NTAQ1: variants seen among roughly 807,000 people sequenced by gnomAD.
The protein encoded by NTAQ1 is protein N-terminal glutamine amidohydrolase.
A neutral mutation model predicts 28.2 loss-of-function variants in NTAQ1; 21 were observed. The observed-to-expected ratio is 0.74, with a 90% CI of 0.53 to 1.07. The LOEUF (loss-of-function observed/expected upper bound fraction) is 1.07. Ranked by LOEUF, NTAQ1 falls within the 50% of genes least tolerant of loss-of-function variation. The pLI, the probability that NTAQ1 is intolerant of heterozygous loss-of-function variation, is 0.00. For missense variants in NTAQ1, 264 were observed against 256.6 expected (o/e 1.03, Z -0.20); for synonymous variants, 105 against 90.0 (o/e 1.17, Z -0.94).
chr8:123,439,707 C>G (rs140779742), intron 5 of NTAQ1, among the ~76,000 whole-genome samples: 3 of 151,862 alleles, frequency 2.0e-5, no homozygotes, highest in Non-Finnish European at 4.4e-5. Flanking sequence ...CTAGGCTGGT[C>G]TTGAACTCTT....
chr8:123,436,323 A>C, intron 3 of NTAQ1, 130 bp from the exon 4 acceptor site: 1 of 732,590 alleles, frequency 1.4e-6, no homozygotes, highest in Non-Finnish European at 2.1e-6. Context: ...TGTTTGCTTT[A>C]TTCTATTTTG....
intron 6 of NTAQ1, among the ~76,000 whole-genome samples, chr8:123,453,615 A>G (rs1215813074): frequency 1.3e-5 from 2 of 151,758 alleles, no homozygotes; most frequent in Non-Finnish European, 2.9e-5. Flanking sequence ...TTTAGTAGAG[A>G]CGGGTTCACC....
chr8:123,430,369 C>T (rs562392194), intron 3 of NTAQ1, among the ~76,000 whole-genome samples: 5 of 152,256 alleles, frequency 3.3e-5, no homozygotes, highest in East Asian at 3.9e-4. Flanking sequence ...CGGCTGGGCG[C>T]GGTGGCTCAC....
intron 3 of NTAQ1, among the ~76,000 whole-genome samples, chr8:123,435,792 A>T (rs1023883602): frequency 1.3e-5 from 2 of 151,378 alleles, no homozygotes; most frequent in East Asian, 1.9e-4. Context: ...GCTTGAACCC[A>T]GGAGGCGGAG....
At chr8:123,421,774 C>T (rs1254197859) in intron 1 of NTAQ1, among the ~76,000 whole-genome samples, 1 of 151,324 alleles carries the variant, frequency 6.6e-6, no homozygotes, top group African/African-American at 2.4e-5. Context: ...CTGCAAGCTC[C>T]GTCTCCTGGG....
intron 3 of NTAQ1, among the ~76,000 whole-genome samples, chr8:123,434,035 C>T (rs1814552107): frequency 6.6e-6 from 1 of 151,758 alleles, no homozygotes; most frequent in South Asian, 2.1e-4. Context: ...GATTGGACAC[C>T]CTGGAGTTAG....
At chr8:123,470,900 G>A, downstream of NTAQ1, among the ~76,000 whole-genome samples, 1 of 150,128 alleles carries the variant, frequency 6.7e-6, no homozygotes, top group Non-Finnish European at 1.5e-5. Flanking sequence ...CTCCCTGTGT[G>A]TTTCTCCTTC....
chr8:123,466,538 G>GTGACT (rs1815964718), intron 6 of NTAQ1, among the ~76,000 whole-genome samples: 1 of 152,224 alleles, frequency 6.6e-6, no homozygotes, highest in African/African-American at 2.4e-5. Flanking sequence ...GACCATGTTT[G>GTGACT]TGACTTGATG....
At chr8:123,432,167 A>G (rs1044118375) in intron 3 of NTAQ1, among the ~76,000 whole-genome samples, 2 of 152,212 alleles carry the variant, frequency 1.3e-5, no homozygotes, top group Non-Finnish European at 2.9e-5. Context: ...CGAGAACACT[A>G]AATCCTGAAC....
chr8:123,417,214 C>T (rs7836626), intron 1 of NTAQ1, among the ~76,000 whole-genome samples: 99,333 of 152,156 alleles, frequency 0.65, 33,135 homozygotes, highest in East Asian at 0.93. Context: ...ATCTCTGCTT[C>T]GGGGCCAGGA....
intron 1 of NTAQ1, among the ~76,000 whole-genome samples, chr8:123,419,939 G>T: frequency 6.6e-6 from 1 of 151,526 alleles, no homozygotes; most frequent in Non-Finnish European, 1.5e-5. Flanking sequence ...TTTTAGATTT[G>T]GGGTTACATG....
chr8:123,457,754 C>G (rs1815689837), intron 6 of NTAQ1, among the ~76,000 whole-genome samples: 2 of 152,090 alleles, frequency 1.3e-5, no homozygotes, highest in African/African-American at 4.8e-5. Context: ...GTAGAATTGA[C>G]TGGGCGCAGT....
At chr8:123,429,888 A>AG in intron 2 of NTAQ1, 95 bp from the exon 3 acceptor site, 1 of 587,694 alleles carries the variant, frequency 1.7e-6, no homozygotes, top group Non-Finnish European at 2.6e-6. Context: ...TCAAAAAAAA[A>AG]AAAAAAAAAT....
At chr8:123,421,914 T>A (rs953438715) in intron 1 of NTAQ1, among the ~76,000 whole-genome samples, 5 of 151,988 alleles carry the variant, frequency 3.3e-5, no homozygotes, top group African/African-American at 9.7e-5. Context: ...TCTCCTGACC[T>A]CGTGATCCGC....
downstream of NTAQ1, among the ~76,000 whole-genome samples, chr8:123,448,484 A>T (rs969505701): frequency 6.6e-6 from 1 of 152,210 alleles, no homozygotes; most frequent in African/African-American, 2.4e-5. Flanking sequence ...ATGGTGGCGC[A>T]TGCCTGTAAT....
chr8:123,434,743 G>A (rs781707589), intron 3 of NTAQ1, among the ~76,000 whole-genome samples: 2 of 152,160 alleles, frequency 1.3e-5, no homozygotes, highest in Non-Finnish European at 2.9e-5. Context: ...TGATTCGTGG[G>A]AAGAAAGCCT....
At chr8:123,447,259 A>T (rs542313786) in intron 6 of NTAQ1, among the ~76,000 whole-genome samples, 1 of 152,292 alleles carries the variant, frequency 6.6e-6, no homozygotes, top group African/African-American at 2.4e-5. Flanking sequence ...TCAGATGCAC[A>T]TACAACTAAA....
At chr8:123,449,601 G>A (rs1292767505), downstream of NTAQ1, among the ~76,000 whole-genome samples, 1 of 152,024 alleles carries the variant, frequency 6.6e-6, no homozygotes, top group Non-Finnish European at 1.5e-5. Context: ...GGAGAAGACA[G>A]ACAATGAACT....
In NTAQ1 at chr8:123,437,362, G is replaced by A. The variant is rs555903747; in HGVS notation, c.508+28G>A. ...GAGCCAAGATGCCTTCTCAGATGGG[G>A]GTTCTGATTGATCACATACACATCA... On this transcript the variant is annotated intron_variant, in intron 5 of 5. Transcript: ENST00000287387. The A allele has an allele frequency of 4.8e-5, 77 of 1,612,972 alleles. No individual in the cohort carries two copies. In the South Asian group the frequency reaches 5.9e-4, roughly 12 times the overall value.
Sources: gnomAD v4.1 joint callset for allele counts (sites outside exome capture counted in the v4.1 genomes callset) on GRCh38, gnomAD v4.1.1 for gene constraint, MANE v1.5 for transcripts, NCBI Gene and HGNC (gene_info 2026-07-23, HGNC 2026-07-21) for gene names.